The following LDB3 variants were observed in gnomAD, a reference collection of about 807,000 sequenced individuals.
LDB3 encodes LIM domain-binding protein 3.
Under a neutral mutation model 69.0 loss-of-function variants are expected in LDB3, and 49 were observed. The ratio of observed to expected loss-of-function variants is 0.71; its 90% CI spans 0.56 to 0.90. LDB3 has a LOEUF of 0.90. LDB3 is among the 40% of genes least tolerant of loss of function. The probability of loss-of-function intolerance (pLI) is 0.00; values close to 1 mark genes in which losing one functional copy is unlikely to be tolerated. For missense variants in LDB3, 928 were observed against 974.1 expected (o/e 0.95, Z 0.63); for synonymous variants, 387 against 396.2 (o/e 0.98, Z 0.28).
intron 12 of LDB3, among the ~76,000 whole-genome samples, chr10:86,724,009 C>CG (rs1008278985): frequency 8.5e-4 from 130 of 152,302 alleles, no homozygotes; most frequent in African/African-American, 3.1e-3. Context: ...AGTTTCCTCC[C>CG]CTTTAAAATT....
At chr10:86,713,607 G>C (rs762030725) in intron 9 of LDB3, among the ~76,000 whole-genome samples, 11 of 152,174 alleles carry the variant, frequency 7.2e-5, no homozygotes, top group Non-Finnish European at 1.5e-4. Flanking sequence ...ATGTTGCACA[G>C]AACCCCCTTA....
rs375894985 is a variant in LDB3, at chr10:86,716,364, T to G, written c.1269T>G (p.Asn423Lys). 1 of 1,609,368 alleles carries G rather than the reference T, an allele frequency of 6.2e-7. No homozygotes were observed. The highest frequency in any genetic ancestry group is 1.4e-5 in the African/African-American group (1 of 73,982). The change falls in exon 10 of 14, where the codon AAT becomes AAG. Residue 423 changes from asparagine to lysine, a missense_variant. Coordinates refer to ENST00000361373, the MANE Select transcript of LDB3 (RefSeq NM_007078.3). Reference sequence around the variant, plus strand: ...CCTACAGCCCGTCCCCAGGGGCCAATTACAGTCCCACTCCCTACACCCCCT... The same window carrying G: ...CCTACAGCCCGTCCCCAGGGGCCAAGTACAGTCCCACTCCCTACACCCCCT... ...ASTYSPSPGA[N>K]YSPTPYTPSP... is the part of the protein sequence containing the mutation.
intron 5 of LDB3, among the ~76,000 whole-genome samples, chr10:86,691,429 G>A (rs1331885490): frequency 2.0e-5 from 3 of 152,238 alleles, no homozygotes; most frequent in Non-Finnish European, 4.4e-5. Flanking sequence ...CCAGGGCAGT[G>A]ACAGCATTGG....
Position 86,681,820 on chromosome 10 carries a change from C to A in LDB3, c.689+17C>A. ...CCCAGGAGGGTAGGTAACGGACATACAGCTCTCCACAGGTGGCCTGGGCCA... is the reference window on the plus strand; with the variant it reads ...CCCAGGAGGGTAGGTAACGGACATAAAGCTCTCCACAGGTGGCCTGGGCCA... On this transcript the variant is annotated intron_variant, in intron 5 of 13. Coordinates refer to ENST00000361373, the MANE Select transcript of LDB3 (RefSeq NM_007078.3). The A allele has an allele frequency of 6.4e-7, 1 of 1,570,458 alleles. No homozygotes were observed. The highest frequency in any genetic ancestry group is 8.6e-7 in the Non-Finnish European group (1 of 1,161,246).
At chr10:86,715,112 G>A (rs1254302868) in intron 9 of LDB3, among the ~76,000 whole-genome samples, 2 of 152,114 alleles carry the variant, frequency 1.3e-5, no homozygotes, top group Admixed American at 6.5e-5. Flanking sequence ...GATGGGGCCA[G>A]GGTCTTAGGC....
rs1017630901 is a variant in LDB3, at chr10:86,735,886, A to T, written c.*2910A>T. Reference sequence around the variant, plus strand: ...TTGTGTTAGGAACCTAGCTTTTATAATGTGTTAACTTTTTAACTCAGTATT... The same window carrying T: ...TTGTGTTAGGAACCTAGCTTTTATATTGTGTTAACTTTTTAACTCAGTATT... On this transcript the variant is annotated 3_prime_UTR_variant, in exon 14 of 14. Coordinates refer to ENST00000361373, the MANE Select transcript of LDB3 (RefSeq NM_007078.3). 6.6e-6 allele frequency: 1 copy of T among 151,624 alleles called. No individual in the cohort carries two copies. The highest frequency in any genetic ancestry group is 1.5e-5 in the Non-Finnish European group (1 of 67,928). 9.4% of individuals were successfully genotyped at this position (151,624 alleles called of 1,614,324 possible). A position where few individuals can be genotyped will look rare whatever the true frequency, so the allele number is the denominator to read the frequency against.
intron 5 of LDB3, among the ~76,000 whole-genome samples, chr10:86,688,529 C>A (rs577799296): frequency 6.6e-6 from 1 of 152,188 alleles, no homozygotes; most frequent in African/African-American, 2.4e-5. Context: ...AGTTTCAAGT[C>A]AAACTCCCAA....
intron 2 of LDB3, among the ~76,000 whole-genome samples, chr10:86,672,709 G>A (rs1428752560): frequency 2.0e-5 from 3 of 152,210 alleles, no homozygotes; most frequent in African/African-American, 7.2e-5. Context: ...GGTCCCCCAG[G>A]CCAGGTCCTC....
intron 8 of LDB3, among the ~76,000 whole-genome samples, chr10:86,707,622 C>T (rs1321285224): frequency 1.3e-5 from 2 of 152,176 alleles, no homozygotes; most frequent in Admixed American, 6.5e-5. Flanking sequence ...GCCCAGGTGT[C>T]CCAGGCCTCC....
chr10:86,727,397 GA>G (rs1203450777), intron 13 of LDB3, among the ~76,000 whole-genome samples: 5 of 152,072 alleles, frequency 3.3e-5, no homozygotes, highest in Non-Finnish European at 7.4e-5. Flanking sequence ...GGAAATGTAT[GA>G]AATATCTGTA....
Position 86,668,711 on chromosome 10 carries a change from T to C in LDB3, c.20T>C (p.Leu7Pro). Reference sequence around the variant, plus strand: ...ACCAGCATGTCTTACAGTGTGACCCTGACTGGGCCCGGGCCCTGGGGCTTC... The same window carrying C: ...ACCAGCATGTCTTACAGTGTGACCCCGACTGGGCCCGGGCCCTGGGGCTTC... MSYSVTLTGPGPWGFRL... is the reference protein window; with the variant it reads MSYSVTPTGPGPWGFRL... Residue 7 changes from leucine (L) to proline (P), a missense_variant, in exon 2 of 14, where the codon CTG (leucine) becomes CCG (proline). Coordinates refer to ENST00000361373, the MANE Select transcript of LDB3 (RefSeq NM_007078.3). 1 of 1,613,350 alleles carries C rather than the reference T, an allele frequency of 6.2e-7. No individual in the cohort carries two copies. The highest frequency in any genetic ancestry group is 8.5e-7 in the Non-Finnish European group (1 of 1,179,954).
At chr10:86,732,015 T>C (rs1847484769) in intron 13 of LDB3, among the ~76,000 whole-genome samples, 2 of 149,346 alleles carry the variant, frequency 1.3e-5, no homozygotes, top group Admixed American at 6.6e-5. Context: ...TTTTCTTTTT[T>C]TTTTTTTTTG....
At chr10:86,684,124 G>A (rs1407304004) in intron 5 of LDB3, among the ~76,000 whole-genome samples, 1 of 152,248 alleles carries the variant, frequency 6.6e-6, no homozygotes, top group Non-Finnish European at 1.5e-5. Context: ...CAGATGTGGT[G>A]CAAGGGCAGA....
intron 10 of LDB3, among the ~76,000 whole-genome samples, chr10:86,717,056 G>T (rs1264795536): frequency 6.6e-6 from 1 of 152,212 alleles, no homozygotes; most frequent in Non-Finnish European, 1.5e-5. Flanking sequence ...GGCTAAGGTT[G>T]AGGTCTGGGA....
At chr10:86,723,940 T>C (rs1355828644) in intron 12 of LDB3, among the ~76,000 whole-genome samples, 1 of 152,196 alleles carries the variant, frequency 6.6e-6, no homozygotes, top group Non-Finnish European at 1.5e-5. Flanking sequence ...GGATGAACAT[T>C]GGAGTCCATC....
In LDB3 at chr10:86,717,087, G is replaced by T. The variant is rs956775333; in HGVS notation, c.1676+316G>T. ...TGGGAATCACCAGGCTTGTCAGTAGGTTTACAGGGCATTTTGTTAGACAGT... is the reference window on the plus strand; with the variant it reads ...TGGGAATCACCAGGCTTGTCAGTAGTTTTACAGGGCATTTTGTTAGACAGT... On this transcript the variant is annotated intron_variant, in intron 10 of 13. Coordinates refer to ENST00000361373, the MANE Select transcript of LDB3 (RefSeq NM_007078.3). 2.6e-5 allele frequency among the ~76,000 whole-genome samples: 4 copies of T among 152,204 alleles called. No homozygotes were observed. In the South Asian group the frequency reaches 8.3e-4, roughly 32 times the overall value.
rs45581435 is a variant in LDB3, at chr10:86,716,748, C to T, written c.1653C>T (p.Cys551=). 5.7e-4 allele frequency: 913 copies of T among 1,611,646 alleles called. 6 individuals are homozygous for T. The highest frequency in any genetic ancestry group is 6.7e-4 in the Non-Finnish European group (792 of 1,179,232). The part of the protein sequence containing the change: ...RFPASSRTPL[C]GHCNNVIRGP... ...CAGCCAGCAGCCGGACTCCACTCTGCGGTCACTGCAACAATGTCATCCGGT... is the reference window on the plus strand; with the variant it reads ...CAGCCAGCAGCCGGACTCCACTCTGTGGTCACTGCAACAATGTCATCCGGT... The change falls in exon 10 of 14, where the codon TGC becomes TGT. Residue 551 remains cysteine (C), a synonymous_variant. Coordinates refer to ENST00000361373, the MANE Select transcript of LDB3 (RefSeq NM_007078.3).
At chr10:86,686,996 C>T in intron 5 of LDB3, 1 of 1,446,440 alleles carries the variant, frequency 6.9e-7, no homozygotes. Flanking sequence ...TTGCCTTGGC[C>T]ACCCATGTAA....
chr10:86,724,855 G>A (rs1319289738), intron 12 of LDB3, among the ~76,000 whole-genome samples: 1 of 151,972 alleles, frequency 6.6e-6, no homozygotes, highest in Non-Finnish European at 1.5e-5. Context: ...CCATGAGTTC[G>A]GTACAATAAT....
Sources: gnomAD v4.1 joint callset for allele counts (sites outside exome capture counted in the v4.1 genomes callset) on GRCh38, gnomAD v4.1.1 for gene constraint, MANE v1.5 for transcripts, NCBI Gene and HGNC (gene_info 2026-07-23, HGNC 2026-07-21) for gene names.